ODAD4: variants seen among roughly 807,000 people sequenced by gnomAD.
ODAD4 encodes outer dynein arm docking complex subunit 4, also known as outer dynein arm-docking complex subunit 4.
In ODAD4, 49 loss-of-function variants were observed where a neutral mutation model predicts 51.8. That is an observed-to-expected ratio of 0.95 (90% CI 0.75 to 1.20). The LOEUF is 1.20. ODAD4 is among the 50% of genes most tolerant of loss of function. The pLI is 0.00. For missense variants in ODAD4, 590 were observed against 586.5 expected, an observed-to-expected ratio of 1.01 and a Z score of -0.06; for synonymous variants, 235 against 221.3, an observed-to-expected ratio of 1.06 and a Z score of -0.55.
chr17:41,930,690 T>C lies in ODAD4; in HGVS notation c.-34T>C, dbSNP rs1249175621. 1 of 1,384,196 alleles carries C rather than the reference T, an allele frequency of 7.2e-7. No individual in the cohort carries two copies. Among genetic ancestry groups the C allele is most frequent in the African/African-American group, 1.4e-5 (1 of 69,994 alleles). The allele number at this position is 1,384,196 out of a possible 1,614,324, so 85.7% of individuals were successfully genotyped here. A position where few individuals can be genotyped will look rare whatever the true frequency, so the allele number is the denominator to read the frequency against. On this transcript the variant is annotated 5_prime_UTR_variant, in exon 1 of 12. Transcript: ENST00000377540. ...AGAGGTTCTCCAGCTTTTCTTTGAT[T>C]GTCTCTGCTTTAGCGTCTCTAAATC...
At chr17:41,954,179 A>G (rs1171967859) in intron 9 of ODAD4, among the ~76,000 whole-genome samples, 1 of 150,910 alleles carries the variant, frequency 6.6e-6, no homozygotes, top group African/African-American at 2.4e-5. Flanking sequence ...AGAGATGGGG[A>G]TGTCACCATG....
Position 41,956,579 on chromosome 17 carries a change from C to T in ODAD4, c.1443+1262C>T, listed in dbSNP as rs1476424530. On this transcript the variant is annotated intron_variant, in intron 10 of 11. Coordinates refer to ENST00000377540, the MANE Select transcript of ODAD4 (RefSeq NM_031421.5). ...GTGTTGCTGGGACTCGGCAACATGG[C>T]GAAACCCTATCTCTAAAAAATAAAA... Among the ~76,000 whole-genome samples, 16 of 145,782 alleles carry T rather than the reference C, an allele frequency of 1.1e-4. 1 individual carries two copies. In the South Asian group the frequency reaches 1.6e-3, roughly 14 times the overall value.
intron 1 of ODAD4, among the ~76,000 whole-genome samples, chr17:41,932,536 T>G (rs1157391674): frequency 2.1e-5 from 3 of 145,784 alleles, no homozygotes; most frequent in East Asian, 2.0e-4. Context: ...GAAACTGTTG[T>G]TTTTTTTTTG....
intron 9 of ODAD4, 50 bp downstream of exon 9, chr17:41,949,399 C>T (rs2050626239): frequency 2.5e-6 from 1 of 398,402 alleles, no homozygotes; most frequent in Non-Finnish European, 4.4e-6. Context: ...TCAGGCCCAG[C>T]TCACACCAGG....
intron 9 of ODAD4, among the ~76,000 whole-genome samples, chr17:41,951,329 T>G (rs2050648630): frequency 6.6e-6 from 1 of 150,776 alleles, no homozygotes; most frequent in African/African-American, 2.4e-5. Flanking sequence ...GTGATCTGCC[T>G]GCTTCAGCCT....
chr17:41,930,728 C>T lies in ODAD4; in HGVS notation c.5C>T (p.Ser2Leu), dbSNP rs781813324. ...GCGTCTCTAAATCCGGTCACCATGT[C>T]GGACCCCGAAGGCGAGACCTTGCGA... M[S>L]DPEGETLRST... Residue 2 changes from serine (S) to leucine (L), a missense_variant, in exon 1 of 12, where the codon TCG becomes TTG. Physicochemically the swap from Ser to Leu is moderately radical, Grantham distance 145. Transcript: ENST00000377540. 8.1e-6 allele frequency: 13 copies of T among 1,605,170 alleles called. No individual in the cohort carries two copies. The highest frequency in any genetic ancestry group is 2.7e-5 in the African/African-American group (2 of 74,894).
intron 1 of ODAD4, among the ~76,000 whole-genome samples, chr17:41,933,600 C>T (rs973925028): frequency 2.0e-5 from 3 of 150,904 alleles, no homozygotes; most frequent in East Asian, 1.9e-4. Context: ...TGCAGTGAGC[C>T]GAGATCGTGC....
chr17:41,936,642 C>T, intron 4 of ODAD4, 108 bp downstream of exon 4: 1 of 1,522,754 alleles, frequency 6.6e-7, no homozygotes, highest in South Asian at 1.1e-5. Context: ...TACTCCGTGA[C>T]TCTTGGCCCA....
chr17:41,944,310 G>A (rs1161833354), intron 7 of ODAD4, among the ~76,000 whole-genome samples: 3 of 151,838 alleles, frequency 2.0e-5, no homozygotes, highest in Non-Finnish European at 4.4e-5. Context: ...GCTGCAGTGA[G>A]CCAAGATTGT....
chr17:41,937,540 G>A (rs1043181964), intron 5 of ODAD4, among the ~76,000 whole-genome samples: 1 of 151,922 alleles, frequency 6.6e-6, no homozygotes, highest in Admixed American at 6.6e-5. Context: ...AAGCAAATTC[G>A]GCTCACTGCC....
In ODAD4 at chr17:41,965,644, C is replaced by T. The variant is rs927083624; in HGVS notation, c.*161C>T. On this transcript the variant is annotated 3_prime_UTR_variant, in exon 12 of 12. Transcript: ENST00000377540. ...TGCCATTAAATAGGTGTCTTTCACT[C>T]TTGCAAACCCTGAGTCTGTCACTTT... The T allele has an allele frequency of 1.2e-4, 70 of 588,354 alleles. No homozygotes were observed. The highest frequency in any genetic ancestry group is 3.0e-6 in the Non-Finnish European group (1 of 333,766). The allele number at this position is 588,354 out of a possible 1,614,324, so 36.4% of individuals were successfully genotyped here. A position where few individuals can be genotyped will look rare whatever the true frequency, so the allele number is the denominator to read the frequency against.
chr17:41,934,679 C>T (rs936273390), intron 1 of ODAD4, among the ~76,000 whole-genome samples: 6 of 152,024 alleles, frequency 3.9e-5, no homozygotes, highest in Non-Finnish European at 1.5e-5. Context: ...TCTTAATCCC[C>T]GGATATAGTG....
chr17:41,936,650 C>T, intron 4 of ODAD4, 112 bp from the exon 5 acceptor site: 1 of 1,530,712 alleles, frequency 6.5e-7, no homozygotes, highest in South Asian at 1.1e-5. Flanking sequence ...GACTCTTGGC[C>T]CACAGAAAGG....
At chr17:41,945,331 A>G in intron 8 of ODAD4, 109 bp downstream of exon 8, 2 of 565,110 alleles carry the variant, frequency 3.5e-6, no homozygotes, top group Non-Finnish European at 5.6e-6. Context: ...ACATAGGAAG[A>G]CTCCCTCTCT....
intron 11 of ODAD4, among the ~76,000 whole-genome samples, chr17:41,963,638 TTTC>T (rs2050834972): frequency 6.6e-6 from 1 of 151,756 alleles, no homozygotes; most frequent in South Asian, 2.1e-4. Flanking sequence ...ATTTCTTTTC[TTTC>T]TTTTTTTTTT....
At chr17:41,937,789 A>G (rs1288914024) in intron 5 of ODAD4, among the ~76,000 whole-genome samples, 1 of 152,194 alleles carries the variant, frequency 6.6e-6, no homozygotes, top group Non-Finnish European at 1.5e-5. Flanking sequence ...TGCTCTTTCC[A>G]CCACACTGCT....
intron 1 of ODAD4, among the ~76,000 whole-genome samples, chr17:41,932,378 A>C (rs1291345064): frequency 6.6e-6 from 1 of 151,970 alleles, no homozygotes; most frequent in African/African-American, 2.4e-5. Context: ...GTGCATACTC[A>C]ATTTTATAGA....
chr17:41,954,031 G>C (rs1325647696), intron 9 of ODAD4, among the ~76,000 whole-genome samples: 1 of 151,580 alleles, frequency 6.6e-6, no homozygotes, highest in East Asian at 1.9e-4. Context: ...TGTCACACAG[G>C]CTGGAGTGCA....
At chr17:41,941,766 CAAAAA>C (rs35275435) in intron 7 of ODAD4, among the ~76,000 whole-genome samples, 3 of 122,328 alleles carry the variant, frequency 2.5e-5, no homozygotes, top group Non-Finnish European at 3.5e-5. Context: ...GACTCCGTCT[CAAAAA>C]AAAAAAAAAA....
Sources: gnomAD v4.1 joint callset for allele counts (sites outside exome capture counted in the v4.1 genomes callset) on GRCh38, gnomAD v4.1.1 for gene constraint, MANE v1.5 for transcripts, NCBI Gene and HGNC (gene_info 2026-07-23, HGNC 2026-07-21) for gene names.